The following RP1 variants were observed in gnomAD, a reference collection of about 807,000 sequenced individuals.
RP1 encodes the protein RP1 axonemal microtubule associated.
RP1 carries 16 observed loss-of-function variants against 14.8 expected under a neutral mutation model. That is an observed-to-expected ratio of 1.08 (90% CI 0.73 to 1.65). The LOEUF is 1.65. Ranked by LOEUF, RP1 falls within the 40% of genes most tolerant of loss-of-function variation. The pLI is 0.00. For synonymous variants in RP1, 876 were observed against 883.6 expected (o/e 0.99, Z 0.15); for missense variants, 2,631 against 2,535.0 (o/e 1.04, Z -0.81).
chr8:54,824,444 C>A (rs933272634), intron 24 of RP1, among the ~76,000 whole-genome samples: 1 of 152,190 alleles, frequency 6.6e-6, no homozygotes, highest in Non-Finnish European at 1.5e-5. Flanking sequence ...AGAGAAGAAT[C>A]TGTCGGCCCA....
intron 22 of RP1, among the ~76,000 whole-genome samples, chr8:54,763,353 G>A (rs1809686964): frequency 6.6e-6 from 1 of 152,172 alleles, no homozygotes; most frequent in African/African-American, 2.4e-5. Flanking sequence ...ATAACTCCTG[G>A]TTTGGGAAAT....
At chr8:54,658,781 C>A (rs1399519476) in intron 6 of RP1, among the ~76,000 whole-genome samples, 1 of 151,874 alleles carries the variant, frequency 6.6e-6, no homozygotes, top group African/African-American at 2.4e-5. Flanking sequence ...TATGGTAATT[C>A]CATTTTAAAT....
intron 24 of RP1, among the ~76,000 whole-genome samples, chr8:54,790,100 G>A (rs1357609036): frequency 6.6e-6 from 1 of 152,108 alleles, no homozygotes; most frequent in Non-Finnish European, 1.5e-5. Flanking sequence ...TGCCCAACCA[G>A]AGGCAATTGT....
At chr8:54,572,375 A>G (rs1422673851) in intron 1 of RP1, among the ~76,000 whole-genome samples, 2 of 152,266 alleles carry the variant, frequency 1.3e-5, no homozygotes, top group Non-Finnish European at 2.9e-5. Flanking sequence ...GACTTTGTCA[A>G]CAATTTAATT....
At chr8:54,697,192 G>A in intron 12 of RP1, 1 of 727,628 alleles carries the variant, frequency 1.4e-6, no homozygotes. Flanking sequence ...CTTTTTTTGG[G>A]GGAATTTTTA....
chr8:54,790,579 G>A (rs1424543659), intron 24 of RP1, among the ~76,000 whole-genome samples: 8 of 150,248 alleles, frequency 5.3e-5, no homozygotes, highest in East Asian at 1.9e-4. Flanking sequence ...AAAAAAAAAG[G>A]TAGACAACTA....
At chr8:54,564,009 A>G (rs1306279705) in intron 1 of RP1, among the ~76,000 whole-genome samples, 1 of 152,210 alleles carries the variant, frequency 6.6e-6, no homozygotes, top group Non-Finnish European at 1.5e-5. Flanking sequence ...AGCTATTTCA[A>G]GTTATGCTGG....
At chr8:54,713,217 T>G (rs1298839034) in intron 15 of RP1, among the ~76,000 whole-genome samples, 1 of 152,198 alleles carries the variant, frequency 6.6e-6, no homozygotes, top group African/African-American at 2.4e-5. Context: ...TAACAAATAT[T>G]TCTGTTTCTG....
At chr8:54,787,890 A>G (rs1810364103) in intron 24 of RP1, among the ~76,000 whole-genome samples, 1 of 152,216 alleles carries the variant, frequency 6.6e-6, no homozygotes, top group Non-Finnish European at 1.5e-5. Context: ...TTTACTATAT[A>G]AGGAAATATG....
At chr8:54,840,120 CA>C (rs1811756756) in intron 25 of RP1, among the ~76,000 whole-genome samples, 1 of 151,930 alleles carries the variant, frequency 6.6e-6, no homozygotes, top group South Asian at 2.1e-4. Context: ...GCTAACATGT[CA>C]ATAATTCATT....
At chr8:54,656,010 T>C in intron 5 of RP1, 1 of 1,149,080 alleles carries the variant, frequency 8.7e-7, no homozygotes, top group Non-Finnish European at 1.2e-6. Context: ...AGTGGCAGTC[T>C]TGAACAAAAA....
At chr8:54,696,742 GT>G in intron 12 of RP1, 1 of 723,352 alleles carries the variant, frequency 1.4e-6, no homozygotes, top group Non-Finnish European at 2.5e-6. Flanking sequence ...TAAAGAAAAT[GT>G]TTAGTGGTGT....
rs76562171 is a variant in RP1 at position 54,670,289 on chromosome 8, A to G, written c.1324-3561A>G. Among the ~76,000 whole-genome samples, 1,130 of 151,688 alleles carry G rather than the reference A, an allele frequency of 7.4e-3. 16 individuals are homozygous for G. Among genetic ancestry groups the G allele is most frequent in the African/African-American group, 0.026 (1,081 of 41,430 alleles). On this transcript the variant is annotated intron_variant, in intron 7 of 22. Coordinates refer to the RP1 transcript ENST00000636932. ...GGACCAATGGTTTACGGTGTTGGTCATGTCCACTTGCTTTATTGATCTTTT... is the reference window on the plus strand; with the variant it reads ...GGACCAATGGTTTACGGTGTTGGTCGTGTCCACTTGCTTTATTGATCTTTT...
chr8:54,794,357 C>A (rs909600217), intron 24 of RP1, among the ~76,000 whole-genome samples: 1 of 151,310 alleles, frequency 6.6e-6, no homozygotes, highest in African/African-American at 2.4e-5. Context: ...ATTTTATTGG[C>A]ATAAAAGTAG....
chr8:54,845,529 G>A (rs1030423344), intron 25 of RP1, among the ~76,000 whole-genome samples: 25 of 152,212 alleles, frequency 1.6e-4, no homozygotes, highest in Admixed American at 9.8e-4. Context: ...GCCCTCAGAA[G>A]TGGCAGCTCG....
intron 26 of RP1, among the ~76,000 whole-genome samples, chr8:54,853,613 C>T (rs944689129): frequency 1.3e-5 from 2 of 151,934 alleles, no homozygotes; most frequent in Admixed American, 1.3e-4. Context: ...AAGGCAAGAC[C>T]TCTAAATAAA....
chr8:54,623,470 A>T (rs1805936654), intron 3 of RP1, among the ~76,000 whole-genome samples: 1 of 146,152 alleles, frequency 6.8e-6, no homozygotes. Context: ...TGCTAACAGG[A>T]TTTTTTTTTT....
intron 1 of RP1, among the ~76,000 whole-genome samples, chr8:54,617,124 C>T (rs1388626976): frequency 6.6e-6 from 1 of 152,100 alleles, no homozygotes; most frequent in Non-Finnish European, 1.5e-5. Context: ...GATTTTAAGG[C>T]AAAAAGTTTT....
At chr8:54,839,978 G>A (rs1811751247) in intron 25 of RP1, among the ~76,000 whole-genome samples, 1 of 152,142 alleles carries the variant, frequency 6.6e-6, no homozygotes, top group African/African-American at 2.4e-5. Flanking sequence ...CTGCAGTCAT[G>A]TGAAGGTGGC....
Sources: allele counts gnomAD v4.1 joint callset (sites outside exome capture counted in the v4.1 genomes callset), GRCh38; gene constraint gnomAD v4.1.1; transcripts MANE v1.5; gene names NCBI Gene and HGNC (gene_info 2026-07-23, HGNC 2026-07-21).